RABGAP1L: variants seen among roughly 807,000 people sequenced by gnomAD.
The protein encoded by RABGAP1L is rab GTPase-activating protein 1-like.
RABGAP1L carries 63 observed loss-of-function variants against 137.7 expected under a neutral mutation model. That is an observed-to-expected ratio of 0.46 (90% CI 0.37 to 0.56). The LOEUF (loss-of-function observed/expected upper bound fraction) is 0.56. Among genes scored for constraint, RABGAP1L ranks in the 20% least tolerant of loss-of-function variants. RABGAP1L has a pLI of 0.00. For missense variants in RABGAP1L, 1,095 were observed against 1,244.0 expected, an observed-to-expected ratio of 0.88 and a Z score of 1.80; for synonymous variants, 431 against 433.7, an observed-to-expected ratio of 0.99 and a Z score of 0.08.
intron 13 of RABGAP1L, among the ~76,000 whole-genome samples, chr1:174,637,151 C>G (rs781413582): frequency 2.0e-5 from 3 of 151,944 alleles, no homozygotes; most frequent in Non-Finnish European, 4.4e-5. Context: ...TATAAACATA[C>G]ATACACACAC....
chr1:174,431,399 G>A (rs12565430), intron 13 of RABGAP1L, among the ~76,000 whole-genome samples: 16,212 of 152,172 alleles, frequency 0.11, 964 homozygotes, highest in East Asian at 0.22. Flanking sequence ...CATGGGAAAT[G>A]TAAGAAACGT....
At chr1:174,449,114 A>C in intron 13 of RABGAP1L, 1 of 1,613,866 alleles carries the variant, frequency 6.2e-7, no homozygotes, top group Non-Finnish European at 8.5e-7. Context: ...GTCTGAGACA[A>C]TGTGCACATC....
chr1:174,168,245 A>G (rs913098343), intron 1 of RABGAP1L, among the ~76,000 whole-genome samples: 2 of 142,390 alleles, frequency 1.4e-5, no homozygotes, highest in African/African-American at 2.7e-5. Flanking sequence ...AGCCTGAGCT[A>G]CAGAGTGAGA....
At chr1:174,206,979 A>C (rs1435904528) in intron 1 of RABGAP1L, among the ~76,000 whole-genome samples, 1 of 152,108 alleles carries the variant, frequency 6.6e-6, no homozygotes, top group African/African-American at 2.4e-5. Flanking sequence ...ATTTAATCTA[A>C]ATATTTATTG....
chr1:174,207,272 G>C (rs1571549952), intron 1 of RABGAP1L, among the ~76,000 whole-genome samples: 1 of 152,132 alleles, frequency 6.6e-6, no homozygotes, highest in Non-Finnish European at 1.5e-5. Flanking sequence ...TGTAGTACAT[G>C]CTGCGTTGAA....
chr1:174,891,511 T>G (rs1656135511), intron 19 of RABGAP1L, among the ~76,000 whole-genome samples: 1 of 152,178 alleles, frequency 6.6e-6, no homozygotes, highest in Non-Finnish European at 1.5e-5. Flanking sequence ...TTTTTTTGTT[T>G]GTTTATTTGG....
Position 174,371,167 on chromosome 1 carries a change from G to T in RABGAP1L, c.1559+95G>T, listed in dbSNP as rs375330090. 5 of 571,446 alleles carry T rather than the reference G, an allele frequency of 8.7e-6. 1 individual carries two copies. The African/African-American group carries it at 9.4e-5, about 11-fold the overall frequency. The allele number at this position is 571,446 out of a possible 1,614,324, so 35.4% of individuals were successfully genotyped here. Reference sequence around the variant, plus strand: ...CTGTGTGTTAAAATAGGTTTTAAAGGATTAATATTAAAATCTATCTTAATA... The same window carrying T: ...CTGTGTGTTAAAATAGGTTTTAAAGTATTAATATTAAAATCTATCTTAATA... On this transcript the variant is annotated intron_variant, in intron 12 of 25. Coordinates refer to ENST00000681986, the MANE Select transcript of RABGAP1L (RefSeq NM_001366446.1).
intron 1 of RABGAP1L, among the ~76,000 whole-genome samples, chr1:174,186,972 G>A (rs1449880264): frequency 6.6e-6 from 1 of 152,014 alleles, no homozygotes; most frequent in Admixed American, 6.6e-5. Flanking sequence ...ACATTATGTG[G>A]CTCTTTGCCA....
In RABGAP1L at chr1:174,977,918, A is replaced by T. The variant is rs1670790503; in HGVS notation, c.2650-889A>T. Among the ~76,000 whole-genome samples the T allele has an allele frequency of 1.3e-5, 2 of 152,354 alleles. 1 individual carries two copies. Among genetic ancestry groups the T allele is most frequent in the South Asian group, 4.1e-4 (2 of 4,834 alleles). On this transcript the variant is annotated intron_variant, in intron 22 of 25. Coordinates refer to ENST00000681986, the MANE Select transcript of RABGAP1L (RefSeq NM_001366446.1). Reference sequence around the variant, plus strand: ...TCAGAAATCTAATGAGTGCTATTATAAATTGCAATAATTTATGAACTAGCA... The same window carrying T: ...TCAGAAATCTAATGAGTGCTATTATTAATTGCAATAATTTATGAACTAGCA...
At chr1:174,868,278 T>C (rs1372911127) in intron 19 of RABGAP1L, among the ~76,000 whole-genome samples, 2 of 152,180 alleles carry the variant, frequency 1.3e-5, no homozygotes, top group Non-Finnish European at 2.9e-5. Flanking sequence ...CTTAAACTCT[T>C]AGAGCAAGTA....
intron 13 of RABGAP1L, among the ~76,000 whole-genome samples, chr1:174,550,991 TATATAC>T (rs1469443765): frequency 1.3e-4 from 12 of 93,866 alleles, no homozygotes; most frequent in African/African-American, 4.6e-4. Flanking sequence ...TACATATATA[TATATAC>T]ACATATATAT....
intron 13 of RABGAP1L, among the ~76,000 whole-genome samples, chr1:174,508,239 T>C (rs998513481): frequency 6.6e-6 from 1 of 152,180 alleles, no homozygotes; most frequent in Non-Finnish European, 1.5e-5. Flanking sequence ...AGACCTGTTA[T>C]CGACTCATTG....
intron 13 of RABGAP1L, among the ~76,000 whole-genome samples, chr1:174,503,377 T>G (rs182582806): frequency 1.0e-3 from 156 of 152,198 alleles, no homozygotes; most frequent in African/African-American, 3.4e-3. Flanking sequence ...AATATACATG[T>G]AAGGCCCAGC....
At chr1:174,392,617 T>G (rs1647290304) in intron 12 of RABGAP1L, among the ~76,000 whole-genome samples, 1 of 152,236 alleles carries the variant, frequency 6.6e-6, no homozygotes, top group Non-Finnish European at 1.5e-5. Context: ...TGAACTTGTT[T>G]CAGTTGTGGA....
At chr1:174,828,827 C>T (rs1215655496) in intron 19 of RABGAP1L, among the ~76,000 whole-genome samples, 6 of 147,772 alleles carry the variant, frequency 4.1e-5, no homozygotes, top group South Asian at 2.2e-4. Flanking sequence ...CCACTGTTGG[C>T]GTTAAGAACG....
chr1:174,374,073 G>T (rs925972660), intron 12 of RABGAP1L, among the ~76,000 whole-genome samples: 2 of 152,152 alleles, frequency 1.3e-5, no homozygotes, highest in African/African-American at 4.8e-5. Context: ...TTCATCTTTG[G>T]TCTGAAAGTG....
chr1:174,936,081 A>G (rs1037590452), intron 19 of RABGAP1L, among the ~76,000 whole-genome samples: 1 of 152,178 alleles, frequency 6.6e-6, no homozygotes, highest in Admixed American at 6.6e-5. Flanking sequence ...CTGGGTAGAA[A>G]ATATATCCAG....
At chr1:174,931,389 T>C (rs906046180) in intron 19 of RABGAP1L, among the ~76,000 whole-genome samples, 4 of 152,228 alleles carry the variant, frequency 2.6e-5, no homozygotes, top group African/African-American at 9.6e-5. Context: ...TAGATAATGC[T>C]TTGTTTCACT....
chr1:174,691,864 G>A (rs960143557), intron 15 of RABGAP1L, among the ~76,000 whole-genome samples: 6 of 152,140 alleles, frequency 3.9e-5, no homozygotes, highest in African/African-American at 9.6e-5. Flanking sequence ...GTACTACCTC[G>A]TGGAGGAATT....
Sources: allele counts gnomAD v4.1 joint callset (sites outside exome capture counted in the v4.1 genomes callset), GRCh38; gene constraint gnomAD v4.1.1; transcripts MANE v1.5; gene names NCBI Gene and HGNC (gene_info 2026-07-23, HGNC 2026-07-21).